SOCS7: variants seen among roughly 807,000 people sequenced by gnomAD.
SOCS7 encodes NAP-4.
Under a neutral mutation model 58.9 loss-of-function variants are expected in SOCS7, and 18 were observed. That is an observed-to-expected ratio of 0.31 (90% CI 0.21 to 0.45). SOCS7 has a LOEUF of 0.45. Ranked by LOEUF, SOCS7 falls within the 20% of genes least tolerant of loss-of-function variation. SOCS7 has a pLI of 1.00. For synonymous variants in SOCS7, 388 were observed against 364.3 expected, an observed-to-expected ratio of 1.06 and a Z score of -0.74; for missense variants, 667 against 837.3, an observed-to-expected ratio of 0.80 and a Z score of 2.51.
intron 7 of SOCS7, among the ~76,000 whole-genome samples, chr17:38,385,054 G>A (rs955402251): frequency 1.3e-5 from 2 of 150,950 alleles, no homozygotes; most frequent in East Asian, 1.9e-4. Flanking sequence ...CCGCCACCAC[G>A]CCCAGCTAAT....
intron 7 of SOCS7, among the ~76,000 whole-genome samples, chr17:38,378,081 T>C (rs1343488862): frequency 1.3e-5 from 2 of 152,234 alleles, no homozygotes; most frequent in East Asian, 1.9e-4. Context: ...CTTCCACCTC[T>C]GATGTCCAGG....
rs1447391841 is a variant in SOCS7, at chr17:38,401,795, A to G, written c.*2313A>G. On this transcript the variant is annotated 3_prime_UTR_variant, in exon 10 of 10. Transcript: ENST00000612932. The stretch of plus-strand genomic sequence containing the variant: ...GCATGGCATGTACTGAACAGTGCAC[A>G]GCCCTGTTAGAGCAACATGGTTAAA... The G allele has an allele frequency of 1.3e-5, 2 of 152,288 alleles. No homozygotes were observed. Among genetic ancestry groups the G allele is most frequent in the African/African-American group, 2.4e-5 (1 of 41,474 alleles). 9.4% of individuals were successfully genotyped at this position (152,288 alleles called of 1,614,324 possible).
At position 38,351,962 on chromosome 17, in the gene SOCS7, G is replaced by C. The variant is rs2037558091; in HGVS notation, c.-91G>C. Among the ~76,000 whole-genome samples the C allele has an allele frequency of 6.6e-6, 1 of 151,112 alleles. No homozygotes were observed. The highest frequency in any genetic ancestry group is 1.5e-5 in the Non-Finnish European group (1 of 67,680). On this transcript the variant is annotated 5_prime_UTR_variant, in exon 1 of 10. Coordinates refer to ENST00000612932, the MANE Select transcript of SOCS7 (RefSeq NM_014598.4). ...CGGCGGCCGTTAGCGCTGTCGCTCC[G>C]GGGGCCGCGGCGGGCGGGGCTCCGG... is the stretch of plus-strand genomic sequence containing the variant.
Position 38,401,341 on chromosome 17 carries a change from TGA to T in SOCS7, c.*1863_*1864del, listed in dbSNP as rs933752471. ...GGCTTAGCATGTGAGTGTTGCCTCG[TGA>T]GAGTACAAGTAATATAACTCGCCAT... On this transcript the variant is annotated 3_prime_UTR_variant, in exon 10 of 10. Coordinates refer to ENST00000612932, the MANE Select transcript of SOCS7 (RefSeq NM_014598.4). 5 of 152,144 alleles carry T rather than the reference TGA, an allele frequency of 3.3e-5. No homozygotes were observed. The highest frequency in any genetic ancestry group is 1.2e-4 in the African/African-American group (5 of 41,422). The allele number at this position is 152,144 out of a possible 1,614,324, so 9.4% of individuals were successfully genotyped here.
At position 38,365,977 on chromosome 17, in the gene SOCS7, G is replaced by A; in HGVS notation, c.1253-310G>A. Reference sequence around the variant, plus strand: ...CTTATCGGCACTTCACTTCGAGGTGGGAGAAGTTGGAATCGCTCTAGGCTG... The same window carrying A: ...CTTATCGGCACTTCACTTCGAGGTGAGAGAAGTTGGAATCGCTCTAGGCTG... On this transcript the variant is annotated intron_variant, in intron 4 of 9. Transcript: ENST00000612932. 5 of 1,104,268 alleles carry A rather than the reference G, an allele frequency of 4.5e-6. No individual in the cohort carries two copies. The South Asian group carries it at 2.1e-4, about 47-fold the overall frequency. The allele number at this position is 1,104,268 out of a possible 1,614,324, so 68.4% of individuals were successfully genotyped here. A position where few individuals can be genotyped will look rare whatever the true frequency, so the allele number is the denominator to read the frequency against.
At chr17:38,357,411 TA>T (rs1031921467) in intron 1 of SOCS7, among the ~76,000 whole-genome samples, 3 of 151,760 alleles carry the variant, frequency 2.0e-5, no homozygotes, top group East Asian at 1.9e-4. Context: ...CTCCTGGGCT[TA>T]AAAAAAAATC....
Position 38,352,399 on chromosome 17 carries a change from C to T in SOCS7, c.347C>T (p.Pro116Leu). 1 of 1,439,404 alleles carries T rather than the reference C, an allele frequency of 6.9e-7. No individual in the cohort carries two copies. The allele number at this position is 1,439,404 out of a possible 1,614,324, so 89.2% of individuals were successfully genotyped here. A position where few individuals can be genotyped will look rare whatever the true frequency, so the allele number is the denominator to read the frequency against. Residue 116 changes from proline (P) to leucine (L), a missense_variant, in exon 1 of 10, where the codon CCG (proline) becomes CTG (leucine). Pro to Leu is a moderately conservative substitution (Grantham distance 98, BLOSUM62 -3). Around this residue, in one of 9 missense-constraint regions of SOCS7, gnomAD observed 154 missense variants for 156.3 expected, o/e 0.98. Coordinates refer to ENST00000612932, the MANE Select transcript of SOCS7 (RefSeq NM_014598.4). The surrounding 1 kb of genome is among the most constrained non-coding windows in gnomAD (Gnocchi z 5.5). ...TTGGCGCTCGAGCGGACCTGGGGCC[C>T]GGCGGCTGGACTAGAGGCGCAGTTG... ...PGLALERTWG[P>L]AAGLEAQLAA...
chr17:38,352,333 G>A lies in SOCS7; in HGVS notation c.281G>A (p.Arg94Gln). The change falls in exon 1 of 10, where the codon CGG becomes CAG. Residue 94 changes from arginine (R) to glutamine (Q), a missense_variant. Arg to Gln is a conservative substitution (Grantham distance 43, BLOSUM62 1). Around this residue, in one of 9 missense-constraint regions of SOCS7, gnomAD observed 154 missense variants for 156.3 expected, o/e 0.98. Coordinates refer to ENST00000612932, the MANE Select transcript of SOCS7 (RefSeq NM_014598.4). This position sits in a 1 kb window ranked among gnomAD's most constrained non-coding sequence, Gnocchi z 5.5. ...GGACCCTCGGAACTGCTGTGTCCCC[G>A]GCACCGCTGTGCCCTGGACCCCAAG... Reference protein sequence around the residue: ...EPGPSELLCPRHRCALDPKAL... With the variant: ...EPGPSELLCPQHRCALDPKAL... 6.7e-7 allele frequency: 1 copy of A among 1,483,402 alleles called. No individual in the cohort carries two copies. Among genetic ancestry groups the A allele is most frequent in the East Asian group, 2.8e-5 (1 of 35,312 alleles). The allele number at this position is 1,483,402 out of a possible 1,614,324, so 91.9% of individuals were successfully genotyped here.
chr17:38,380,314 G>T (rs1362999190), intron 7 of SOCS7, among the ~76,000 whole-genome samples: 1 of 152,036 alleles, frequency 6.6e-6, no homozygotes, highest in Admixed American at 6.6e-5. Context: ...CAACCTCAAA[G>T]TTAGGTAATA....
intron 1 of SOCS7, among the ~76,000 whole-genome samples, chr17:38,358,583 G>T (rs1363248656): frequency 2.2e-3 from 305 of 139,118 alleles, no homozygotes; most frequent in African/African-American, 7.0e-3. Flanking sequence ...CTTTGTTGTT[G>T]TTTTTTTTTT....
chr17:38,357,503 T>C (rs1347787225), intron 1 of SOCS7, among the ~76,000 whole-genome samples: 1 of 152,268 alleles, frequency 6.6e-6, no homozygotes. Flanking sequence ...TTTTAGACCT[T>C]GGACCATGCC....
chr17:38,401,678 G>A lies in SOCS7; in HGVS notation c.*2196G>A, dbSNP rs570953871. ...AGGGTAGACCAGATGGTCTGGGAAA[G>A]TTCTGTGCCTCTGAGGCTTTGGGTT... On this transcript the variant is annotated 3_prime_UTR_variant, in exon 10 of 10. Coordinates refer to ENST00000612932, the MANE Select transcript of SOCS7 (RefSeq NM_014598.4). The A allele has an allele frequency of 3.3e-5, 5 of 152,356 alleles. No individual in the cohort carries two copies. In the East Asian group the frequency reaches 9.7e-4, roughly 29 times the overall value. 9.4% of individuals were successfully genotyped at this position (152,356 alleles called of 1,614,324 possible). A position where few individuals can be genotyped will look rare whatever the true frequency, so the allele number is the denominator to read the frequency against.
rs574902187 is a variant in SOCS7, at chr17:38,398,982, T to C, written c.*31-531T>C. Among the ~76,000 whole-genome samples the C allele has an allele frequency of 8.7e-5, 13 of 149,906 alleles. No individual in the cohort carries two copies. In the South Asian group the frequency reaches 2.3e-3, roughly 27 times the overall value. ...GCGCATGCCTGTAATCCCAGCTACT[T>C]GGGAGGCTGAGACAGGAGAATCTTG... On this transcript the variant is annotated intron_variant, in intron 9 of 9. Coordinates refer to ENST00000612932, the MANE Select transcript of SOCS7 (RefSeq NM_014598.4).
intron 9 of SOCS7, among the ~76,000 whole-genome samples, chr17:38,397,413 G>T (rs2038258867): frequency 6.6e-6 from 1 of 152,330 alleles, no homozygotes. Context: ...CTCCCTGCCG[G>T]CCTGTTCCTG....
At position 38,389,897 on chromosome 17, in the gene SOCS7, A is replaced by ATATATATATG. The variant is rs1400191697; in HGVS notation, c.1682-5410_1682-5409insTATATATGTA. On this transcript the variant is annotated intron_variant, in intron 7 of 9. Coordinates refer to ENST00000612932, the MANE Select transcript of SOCS7 (RefSeq NM_014598.4). ...TATATATATATGTACATATATATAT[A>ATATATATATG]TACACATATAGAGAGAGAGAGAGAG... Among the ~76,000 whole-genome samples the ATATATATATG allele has an allele frequency of 5.0e-3, 389 of 77,290 alleles. 24 individuals are homozygous for ATATATATATG. The highest frequency in any genetic ancestry group is 0.011 in the African/African-American group (136 of 12,594). 50.7% of individuals were successfully genotyped at this position (77,290 alleles called of 152,430 possible). A position where few individuals can be genotyped will look rare whatever the true frequency, so the allele number is the denominator to read the frequency against.
Position 38,370,379 on chromosome 17 carries a change from G to T in SOCS7, c.1552+2329G>T, listed in dbSNP as rs138361514. ...TTTTGAGACGGGGTCTCACCCTGCT[G>T]CCCAGGTTGGAGTGTAGTGGTGAGA... On this transcript the variant is annotated intron_variant, in intron 6 of 9. Transcript: ENST00000612932. 8.0e-3 allele frequency among the ~76,000 whole-genome samples: 1,215 copies of T among 152,222 alleles called. 13 individuals carry two copies. Among genetic ancestry groups the T allele is most frequent in the South Asian group, 0.024 (116 of 4,818 alleles).
At chr17:38,371,834 A>C (rs995448259) in intron 6 of SOCS7, among the ~76,000 whole-genome samples, 9 of 53,406 alleles carry the variant, frequency 1.7e-4, no homozygotes, top group Admixed American at 1.6e-3. Flanking sequence ...TTCTTGTTTT[A>C]TTTTTTTAAG....
At chr17:38,357,289 G>T (rs140393822) in intron 1 of SOCS7, among the ~76,000 whole-genome samples, 1 of 152,168 alleles carries the variant, frequency 6.6e-6, no homozygotes, top group Non-Finnish European at 1.5e-5. Context: ...ATTTTATGGT[G>T]TGGCGAGGAA....
chr17:38,360,488 G>A (rs2037702529), intron 1 of SOCS7, among the ~76,000 whole-genome samples: 1 of 151,774 alleles, frequency 6.6e-6, no homozygotes, highest in African/African-American at 2.4e-5. Context: ...ACTGTGCCCA[G>A]CCAGCATATG....
Sources: gnomAD v4.1 joint callset for allele counts (sites outside exome capture counted in the v4.1 genomes callset) on GRCh38, gnomAD v4.1.1 for gene constraint, gnomAD v4.1.1 regional missense constraint, Gnocchi (gnomAD v3.1) non-coding constraint, MANE v1.5 for transcripts, NCBI Gene and HGNC (gene_info 2026-07-23, HGNC 2026-07-21) for gene names.